KCNIP4: variants seen among roughly 807,000 people sequenced by gnomAD.
KCNIP4 encodes the protein Kv channel-interacting protein 4.
A neutral mutation model predicts 34.0 loss-of-function variants in KCNIP4; 12 were observed. The ratio of observed to expected loss-of-function variants is 0.35; its 90% CI spans 0.23 to 0.57. The LOEUF is 0.57. Ranked by LOEUF, KCNIP4 falls within the 20% of genes least tolerant of loss-of-function variation. The pLI is 0.83. For missense variants in KCNIP4, 238 were observed against 311.7 expected, an observed-to-expected ratio of 0.76 and a Z score of 1.78; for synonymous variants, 124 against 102.2, an observed-to-expected ratio of 1.21 and a Z score of -1.29.
intron 1 of KCNIP4, among the ~76,000 whole-genome samples, chr4:21,864,986 A>G (rs767867761): frequency 6.6e-6 from 1 of 152,224 alleles, no homozygotes; most frequent in Non-Finnish European, 1.5e-5. Flanking sequence ...GCTGAAATAA[A>G]CTAGATGACT....
At chr4:21,633,265 A>AT (rs1400062829) in intron 1 of KCNIP4, among the ~76,000 whole-genome samples, 3 of 152,030 alleles carry the variant, frequency 2.0e-5, no homozygotes, top group Non-Finnish European at 4.4e-5. Flanking sequence ...CTGCTAGGTA[A>AT]TCCCCCCAAT....
intron 5 of KCNIP4, 129 bp downstream of exon 5, chr4:20,749,533 T>C (rs1753193852): frequency 1.8e-6 from 1 of 552,556 alleles, no homozygotes; most frequent in African/African-American, 1.9e-5. Context: ...GGCAATTACA[T>C]GAGAGAAAGG....
intron 1 of KCNIP4, among the ~76,000 whole-genome samples, chr4:21,274,473 T>G (rs1303688014): frequency 1.3e-5 from 2 of 152,138 alleles, no homozygotes; most frequent in Non-Finnish European, 2.9e-5. Flanking sequence ...TAAGAGGAAA[T>G]TGAGAACACT....
intron 1 of KCNIP4, among the ~76,000 whole-genome samples, chr4:21,563,051 G>T (rs1739585134): frequency 6.6e-6 from 1 of 151,934 alleles, no homozygotes; most frequent in Non-Finnish European, 1.5e-5. Context: ...TTACTTCTCT[G>T]TTGGTTGGTC....
At position 20,882,675 on chromosome 4, in the gene KCNIP4, G is replaced by C; in HGVS notation, c.96C>G (p.Ser32Arg). ...FLYAQNSTKR[S>R]IKERLMKLLP... is the part of the protein sequence containing the mutation. ...AGAGCTTCATGAGCCGCTCTTTAATGCTGCGCTTGGTGCTGTTCTGAGCGT... is the reference window on the plus strand; with the variant it reads ...AGAGCTTCATGAGCCGCTCTTTAATCCTGCGCTTGGTGCTGTTCTGAGCGT... The change falls in exon 2 of 9, where the codon AGC becomes AGG. Residue 32 changes from serine (S) to arginine (R), a missense_variant. Transcript: ENST00000382152. 1 of 1,613,560 alleles carries C rather than the reference G, an allele frequency of 6.2e-7. No homozygotes were observed. Among genetic ancestry groups the C allele is most frequent in the Non-Finnish European group, 8.5e-7 (1 of 1,179,806 alleles).
intron 1 of KCNIP4, among the ~76,000 whole-genome samples, chr4:20,985,737 G>A (rs11938472): frequency 1.3e-5 from 2 of 152,074 alleles, no homozygotes; most frequent in African/African-American, 4.8e-5. Flanking sequence ...ATGTCTGCGC[G>A]GTACAGTGGG....
At chr4:21,934,561 A>G (rs1350973644) in intron 1 of KCNIP4, among the ~76,000 whole-genome samples, 1 of 151,968 alleles carries the variant, frequency 6.6e-6, no homozygotes, top group African/African-American at 2.4e-5. Context: ...TCACAGGGAG[A>G]TTTTCCAGTT....
chr4:21,527,739 G>A (rs1459730910), intron 1 of KCNIP4, among the ~76,000 whole-genome samples: 1 of 152,110 alleles, frequency 6.6e-6, no homozygotes, highest in Non-Finnish European at 1.5e-5. Flanking sequence ...AAACTGATTT[G>A]TATAATCACG....
intron 1 of KCNIP4, among the ~76,000 whole-genome samples, chr4:21,677,364 A>G (rs1749992412): frequency 6.6e-6 from 1 of 152,208 alleles, no homozygotes. Context: ...GAAAACTGCT[A>G]TATTATCACA....
chr4:21,072,030 T>A (rs1181965776), intron 1 of KCNIP4, among the ~76,000 whole-genome samples: 1 of 152,236 alleles, frequency 6.6e-6, no homozygotes, highest in Non-Finnish European at 1.5e-5. Flanking sequence ...ATTTTCTTAA[T>A]CCAGTCTGTC....
chr4:21,321,025 A>G (rs549396941), intron 1 of KCNIP4, among the ~76,000 whole-genome samples: 4 of 151,726 alleles, frequency 2.6e-5, no homozygotes, highest in African/African-American at 9.7e-5. Flanking sequence ...AAGGTCATGA[A>G]TTGTGGTAAA....
intron 1 of KCNIP4, among the ~76,000 whole-genome samples, chr4:21,167,167 C>G (rs891291072): frequency 9.2e-5 from 14 of 152,080 alleles, no homozygotes; most frequent in Non-Finnish European, 1.0e-4. Flanking sequence ...ACCCACAACA[C>G]CTCATGTAGA....
Position 21,168,912 on chromosome 4 carries a change from G to A in KCNIP4, c.62-286203C>T, listed in dbSNP as rs770943494. Among the ~76,000 whole-genome samples, 4 of 152,156 alleles carry A rather than the reference G, an allele frequency of 2.6e-5. No homozygotes were observed. The East Asian group carries it at 7.8e-4, about 30-fold the overall frequency. The stretch of plus-strand genomic sequence containing the variant: ...ACAGAGAGCATCCTCTCAGTATCTC[G>A]AAGCATCTGCCAATTCCTTCCTCCT... On this transcript the variant is annotated intron_variant, in intron 1 of 8. Transcript: ENST00000382152.
chr4:21,638,867 T>C (rs1212493197), intron 1 of KCNIP4, among the ~76,000 whole-genome samples: 1 of 152,198 alleles, frequency 6.6e-6, no homozygotes, highest in African/African-American at 2.4e-5. Context: ...AATTAGTTAC[T>C]TGTGATAATG....
intron 1 of KCNIP4, among the ~76,000 whole-genome samples, chr4:21,335,354 A>G (rs1187978946): frequency 2.0e-5 from 3 of 152,106 alleles, no homozygotes; most frequent in Non-Finnish European, 2.9e-5. Context: ...GAAATCCAGA[A>G]AGCACAATCA....
At chr4:21,671,989 G>T (rs981964520) in intron 1 of KCNIP4, among the ~76,000 whole-genome samples, 1 of 152,142 alleles carries the variant, frequency 6.6e-6, no homozygotes. Context: ...GTAAAGCTGA[G>T]CACTTCATAG....
intron 1 of KCNIP4, among the ~76,000 whole-genome samples, chr4:21,742,023 C>T (rs1716439421): frequency 6.6e-6 from 1 of 151,916 alleles, no homozygotes; most frequent in African/African-American, 2.4e-5. Flanking sequence ...GGCAACAGAG[C>T]GAGACTCCAT....
At chr4:20,916,774 A>T (rs769645299) in intron 1 of KCNIP4, among the ~76,000 whole-genome samples, 1 of 151,200 alleles carries the variant, frequency 6.6e-6, no homozygotes, top group Admixed American at 6.6e-5. Context: ...TTTTGCAGCA[A>T]CAGTTAAGCC....
At chr4:21,561,573 G>A (rs1257007393) in intron 1 of KCNIP4, among the ~76,000 whole-genome samples, 3 of 151,918 alleles carry the variant, frequency 2.0e-5, no homozygotes, top group African/African-American at 7.3e-5. Flanking sequence ...TTAAATGATG[G>A]TGGGCAGCAG....
Sources: gnomAD v4.1 joint callset for allele counts (sites outside exome capture counted in the v4.1 genomes callset) on GRCh38, gnomAD v4.1.1 for gene constraint, MANE v1.5 for transcripts, NCBI Gene and HGNC (gene_info 2026-07-23, HGNC 2026-07-21) for gene names.